Variants in GPHN observed in about 807,000 individuals in gnomAD.
GPHN encodes the protein gephyrin.
Under a neutral mutation model 95.5 loss-of-function variants are expected in GPHN, and 17 were observed. The ratio of observed to expected loss-of-function variants is 0.18; its 90% confidence interval spans 0.12 to 0.27. The LOEUF is 0.27. GPHN is among the 10% of genes least tolerant of loss of function. GPHN has a pLI of 1.00. For synonymous variants in GPHN, 320 were observed against 322.5 expected (o/e 0.99, Z 0.08); for missense variants, 660 against 978.1 (o/e 0.67, Z 4.34).
At chr14:67,489,809 T>C in the GPHN span, among the ~76,000 whole-genome samples, 2 of 152,024 alleles carry the variant, frequency 1.3e-5, no homozygotes, top group African/African-American at 2.4e-5. Flanking sequence ...GCTAACATGG[T>C]GAAACCCCAT....
chr14:67,168,933 G>A lies in GPHN; in HGVS notation c.1976G>A (p.Gly659Glu). Reference sequence around the variant, plus strand: ...AAATAACTGCTTGGTTGACTTTCAGGGAATCCTGTATCGGCTGTGGTCACC... The same window carrying A: ...AAATAACTGCTTGGTTGACTTTCAGAGAATCCTGTATCGGCTGTGGTCACC... ...GVRKIIFALPGNPVSAVVTCN... is the reference protein window; with the variant it reads ...GVRKIIFALPENPVSAVVTCN... Residue 659 changes from glycine to glutamate, a missense_variant and splice_region_variant, in exon 21 of 23, where the codon GGG (glycine) becomes GAG (glutamate). Physicochemically the swap from Gly to Glu is moderately conservative, Grantham distance 98. Transcript: ENST00000478722. The A allele has an allele frequency of 1.3e-6, 2 of 1,597,460 alleles. No individual in the cohort carries two copies. Among genetic ancestry groups the A allele is most frequent in the Non-Finnish European group, 1.7e-6 (2 of 1,164,766 alleles).
the GPHN span, among the ~76,000 whole-genome samples, chr14:67,438,354 C>T: frequency 6.6e-6 from 1 of 152,202 alleles, no homozygotes; most frequent in Non-Finnish European, 1.5e-5. Flanking sequence ...TCTCAGTTCC[C>T]TTCTCTGAGA....
chr14:67,459,663 A>G, the GPHN span, among the ~76,000 whole-genome samples: 2 of 152,238 alleles, frequency 1.3e-5, no homozygotes, highest in African/African-American at 4.8e-5. Flanking sequence ...CTTGAGGGTC[A>G]GAGACATCAC....
chr14:66,551,817 A>G (rs944622138), intron 1 of GPHN, among the ~76,000 whole-genome samples: 1 of 152,198 alleles, frequency 6.6e-6, no homozygotes, highest in Non-Finnish European at 1.5e-5. Flanking sequence ...TTAAACAACC[A>G]GATCTCGTGA....
the GPHN span, chr14:67,692,513 G>GGTTCC: frequency 6.2e-7 from 1 of 1,613,688 alleles, no homozygotes. Flanking sequence ...AACACCTGCT[G>GGTTCC]GTTCCCTGTC....
the GPHN span, among the ~76,000 whole-genome samples, chr14:67,324,868 T>G: frequency 5.3e-5 from 8 of 150,276 alleles, no homozygotes; most frequent in Non-Finnish European, 8.9e-5. Context: ...GGATTGCAGG[T>G]GTAAGCTACC....
intron 17 of GPHN, 70 bp downstream of exon 17, chr14:67,122,447 G>A: frequency 1.5e-6 from 2 of 1,342,686 alleles, no homozygotes; most frequent in South Asian, 1.2e-5. Flanking sequence ...CTCATTAGGT[G>A]GAGTTGCTGC....
At chr14:67,046,683 T>C (rs2075036504) in intron 10 of GPHN, among the ~76,000 whole-genome samples, 1 of 152,172 alleles carries the variant, frequency 6.6e-6, no homozygotes, top group Non-Finnish European at 1.5e-5. Context: ...CTTTTTTGGT[T>C]TTGTCAGAAA....
intron 1 of GPHN, among the ~76,000 whole-genome samples, chr14:66,513,469 GT>G (rs1190489768): frequency 6.6e-6 from 1 of 151,620 alleles, no homozygotes; most frequent in Non-Finnish European, 1.5e-5. Context: ...TGAACAGGGT[GT>G]TTTTAAAAAC....
the GPHN span, chr14:67,662,902 CAAA>C: frequency 0.019 from 16,334 of 881,114 alleles, no homozygotes; most frequent in Non-Finnish European, 0.02. Context: ...GACTCTGTCT[CAAA>C]AAAAAAAAAA....
chr14:67,085,731 T>C (rs2076858214), intron 11 of GPHN, among the ~76,000 whole-genome samples: 1 of 152,234 alleles, frequency 6.6e-6, no homozygotes, highest in Non-Finnish European at 1.5e-5. Flanking sequence ...TTAACTATTT[T>C]AACCATTTTT....
At chr14:67,443,704 G>T in the GPHN span, among the ~76,000 whole-genome samples, 1,850 of 151,998 alleles carry the variant, frequency 0.012, 15 homozygotes, top group Middle Eastern at 0.021. Flanking sequence ...GGGGTTCAAG[G>T]CTATGATCAT....
chr14:66,826,054 A>G (rs574195914), intron 4 of GPHN, among the ~76,000 whole-genome samples: 8 of 152,276 alleles, frequency 5.3e-5, no homozygotes, highest in South Asian at 2.1e-4. Flanking sequence ...ATGTATGCCT[A>G]TTTTTTGTGT....
the GPHN span, among the ~76,000 whole-genome samples, chr14:67,240,740 G>A: frequency 4.1e-4 from 62 of 152,244 alleles, no homozygotes; most frequent in Non-Finnish European, 8.2e-4. Context: ...GCCATGCCCG[G>A]AGCACGGGCT....
At chr14:67,026,856 A>G (rs1485218633) in intron 10 of GPHN, among the ~76,000 whole-genome samples, 2 of 152,030 alleles carry the variant, frequency 1.3e-5, no homozygotes, top group Non-Finnish European at 2.9e-5. Flanking sequence ...GTTAGCCAGG[A>G]TGGTCTCGAT....
the GPHN span, chr14:67,343,238 C>T: frequency 3.3e-6 from 2 of 612,070 alleles, no homozygotes; most frequent in Middle Eastern, 2.7e-4. Flanking sequence ...ACACACTTCT[C>T]TCTTTGCACT....
At chr14:66,605,252 G>A (rs1012529562) in intron 1 of GPHN, among the ~76,000 whole-genome samples, 1 of 151,986 alleles carries the variant, frequency 6.6e-6, no homozygotes, top group Non-Finnish European at 1.5e-5. Flanking sequence ...TAGTCCTGTT[G>A]TAAGTTTTTG....
At chr14:67,667,147 T>C in the GPHN span, among the ~76,000 whole-genome samples, 5 of 152,028 alleles carry the variant, frequency 3.3e-5, no homozygotes, top group African/African-American at 1.2e-4. Flanking sequence ...TGGAGTAAAA[T>C]GGAAACAGAC....
chr14:66,729,983 A>G (rs537899689), intron 2 of GPHN, among the ~76,000 whole-genome samples: 6 of 152,348 alleles, frequency 3.9e-5, no homozygotes, highest in East Asian at 1.9e-4. Flanking sequence ...TCATTTATCA[A>G]TGCCTACCAG....
Sources: gnomAD v4.1 joint callset for allele counts (sites outside exome capture counted in the v4.1 genomes callset) on GRCh38, gnomAD v4.1.1 for gene constraint, MANE v1.5 for transcripts, NCBI Gene and HGNC (gene_info 2026-07-23, HGNC 2026-07-21) for gene names.